Variants in CACNG6 observed in about 807,000 individuals in gnomAD.
CACNG6 encodes voltage-dependent calcium channel gamma-6 subunit.
A neutral mutation model predicts 23.9 loss-of-function variants in CACNG6; 21 were observed. The observed-to-expected ratio is 0.88, with a 90% CI of 0.62 to 1.26. The LOEUF (loss-of-function observed/expected upper bound fraction) is 1.26, where lower values mean the gene tolerates loss of function less well. CACNG6 is among the 50% of genes most tolerant of loss of function. CACNG6 has a pLI of 0.00. For missense variants in CACNG6, 340 were observed against 352.9 expected (o/e 0.96, Z 0.29); for synonymous variants, 182 against 168.9 (o/e 1.08, Z -0.60).
At chr19:53,998,799 C>T (rs1043451838) in intron 2 of CACNG6, among the ~76,000 whole-genome samples, 2 of 152,074 alleles carry the variant, frequency 1.3e-5, no homozygotes, top group East Asian at 1.9e-4. Flanking sequence ...GCGTGAGCCA[C>T]TGCACCTAGC....
At chr19:53,991,206 G>A (rs2145949007), upstream of CACNG6, among the ~76,000 whole-genome samples, 1 of 149,740 alleles carries the variant, frequency 6.7e-6, no homozygotes, top group South Asian at 2.1e-4. Context: ...GGGTACCCAG[G>A]CCTTCTTCCT....
intron 3 of CACNG6, among the ~76,000 whole-genome samples, chr19:54,009,132 T>C (rs1213141332): frequency 6.6e-6 from 1 of 151,412 alleles, no homozygotes; most frequent in East Asian, 1.9e-4. Context: ...CTACTAAAAA[T>C]ACAAAAATTG....
chr19:53,998,190 C>A, intron 1 of CACNG6, 49 bp from the exon 2 acceptor site: 1 of 1,536,732 alleles, frequency 6.5e-7, no homozygotes, highest in Non-Finnish European at 9.0e-7. Context: ...TGAGCTTACG[C>A]AAGGGACCTC....
chr19:53,996,980 T>C (rs1256835950), intron 1 of CACNG6, among the ~76,000 whole-genome samples: 1 of 151,206 alleles, frequency 6.6e-6, no homozygotes, highest in Non-Finnish European at 1.5e-5. Flanking sequence ...GGGATCCTCT[T>C]GCCTCAGCCT....
chr19:54,008,558 G>A (rs1004610705), intron 3 of CACNG6, among the ~76,000 whole-genome samples: 2 of 151,852 alleles, frequency 1.3e-5, no homozygotes, highest in African/African-American at 4.8e-5. Context: ...TTCCATTACC[G>A]CCTCTCTCCC....
intron 3 of CACNG6, among the ~76,000 whole-genome samples, chr19:54,002,267 G>GTTTTTTTTTTTTTTT (rs138464456): frequency 7.6e-6 from 1 of 131,940 alleles, no homozygotes; most frequent in African/African-American, 3.3e-5. Context: ...CTAATTTTCG[G>GTTTTTTTTTTTTTTT]TTTTTTTGTT....
chr19:54,009,539 C>A (rs1312325000), intron 3 of CACNG6, among the ~76,000 whole-genome samples: 1 of 151,920 alleles, frequency 6.6e-6, no homozygotes, highest in Admixed American at 6.6e-5. Flanking sequence ...TCGCTTGAAC[C>A]TGGGAGGCGG....
chr19:54,004,333 TTTTGTGTGTGTGTGTG>T lies in CACNG6; in HGVS notation c.544+4564_544+4579del, dbSNP rs1235520542. Among the ~76,000 whole-genome samples, 6 of 104,408 alleles carry T rather than the reference TTTTGTGTGTGTGTGTG, an allele frequency of 5.7e-5. No individual in the cohort carries two copies. The East Asian group carries it at 7.1e-4, about 12-fold the overall frequency. 68.5% of individuals were successfully genotyped at this position (104,408 alleles called of 152,430 possible). A position where few individuals can be genotyped will look rare whatever the true frequency, so the allele number is the denominator to read the frequency against. ...CCACCACGCCTGGTTAATTTTGTAT[TTTTGTGTGTGTGTGTG>T]TGTGTGTGTGTGTGTGTGTGTGTGT... On this transcript the variant is annotated intron_variant, in intron 3 of 3. Transcript: ENST00000252729.
Position 53,995,433 on chromosome 19 carries a change from A to G in CACNG6, c.331+2225A>G, listed in dbSNP as rs375788515. 7.2e-5 allele frequency among the ~76,000 whole-genome samples: 11 copies of G among 152,288 alleles called. No homozygotes were observed. The East Asian group carries it at 1.5e-3, about 21-fold the overall frequency. On this transcript the variant is annotated intron_variant, in intron 1 of 3. Coordinates refer to ENST00000252729, the MANE Select transcript of CACNG6 (RefSeq NM_145814.2). The stretch of plus-strand genomic sequence containing the variant: ...ATCCCTGGCTCCCTTGGCTATAAGT[A>G]TGGAATGTGGGGGTGACCCTTACCC...
chr19:54,009,010 C>T (rs915640940), intron 3 of CACNG6, among the ~76,000 whole-genome samples: 2 of 152,188 alleles, frequency 1.3e-5, no homozygotes, highest in Non-Finnish European at 1.5e-5. Flanking sequence ...AATTATAGGC[C>T]GGGTGCGGCA....
chr19:54,011,367 T>C (rs1600066872), intron 3 of CACNG6, among the ~76,000 whole-genome samples: 1 of 136,604 alleles, frequency 7.3e-6, no homozygotes, highest in Non-Finnish European at 1.5e-5. Context: ...GGAGGCGGAG[T>C]TTGCAATAAG....
chr19:53,993,091 GGCAGC>G lies in CACNG6; in HGVS notation c.217_221del (p.Ser73ArgfsTer44), dbSNP rs1429556772. On this transcript the variant is annotated frameshift_variant, in exon 1 of 4. Transcript: ENST00000252729. LOFTEE classifies it high-confidence loss of function. ...GGAGCTCAACACCTACAAGGCCAACGGCAGCGCCGTGTGCGAAGCGGCCCACCTGG... is the reference window on the plus strand; with the variant it reads ...GGAGCTCAACACCTACAAGGCCAACGGCCGTGTGCGAAGCGGCCCACCTGG... 5 of 1,545,482 alleles carry G rather than the reference GGCAGC, an allele frequency of 3.2e-6. No homozygotes were observed. The African/African-American group carries it at 6.9e-5, about 21-fold the overall frequency.
At chr19:53,999,570 G>A in intron 2 of CACNG6, 64 bp from the exon 3 acceptor site, 3 of 1,563,774 alleles carry the variant, frequency 1.9e-6, no homozygotes, top group Non-Finnish European at 2.6e-6. Context: ...GGGTTCCTAT[G>A]GGTGAATCCT....
At chr19:54,008,928 G>T (rs1248578143) in intron 3 of CACNG6, among the ~76,000 whole-genome samples, 1 of 152,214 alleles carries the variant, frequency 6.6e-6, no homozygotes, top group Admixed American at 6.5e-5. Flanking sequence ...TTGCCAGGCA[G>T]TGTGTAAAGA....
chr19:54,003,653 G>A (rs2069603786), intron 3 of CACNG6, among the ~76,000 whole-genome samples: 1 of 151,926 alleles, frequency 6.6e-6, no homozygotes. Flanking sequence ...GAGCCACCCT[G>A]CCTAGCCATC....
chr19:54,006,115 T>TAAATAAAG (rs2069641631), intron 3 of CACNG6, among the ~76,000 whole-genome samples: 1 of 150,682 alleles, frequency 6.6e-6, no homozygotes, highest in African/African-American at 2.4e-5. Context: ...AATAAATAAA[T>TAAATAAAG]AAATAAAATA....
Position 54,011,928 on chromosome 19 carries a change from G to C in CACNG6, c.545-23G>C, listed in dbSNP as rs112544975. 2,707 of 1,443,088 alleles carry C rather than the reference G, an allele frequency of 1.9e-3. 25 individuals are homozygous for C. The African/African-American group carries it at 0.019, about 10-fold the overall frequency. 89.4% of individuals were successfully genotyped at this position (1,443,088 alleles called of 1,614,324 possible). The stretch of plus-strand genomic sequence containing the variant: ...CAGCTGGGGTCGCGGGCGTCTGACT[G>C]CGAGCTGTCCTCTCTCCCGCAGGCC... On this transcript the variant is annotated intron_variant, in intron 3 of 3. Transcript: ENST00000252729.
chr19:54,002,370 G>A (rs750278592), intron 3 of CACNG6, among the ~76,000 whole-genome samples: 1 of 141,738 alleles, frequency 7.1e-6, no homozygotes, highest in Non-Finnish European at 1.5e-5. Context: ...CGCCCACCTC[G>A]GCCTCCCAAA....
rs1600067445 is a variant in CACNG6 at position 54,011,936 on chromosome 19, T to C, written c.545-15T>C. The C allele has an allele frequency of 3.4e-6, 5 of 1,468,144 alleles. No individual in the cohort carries two copies. The highest frequency in any genetic ancestry group is 2.6e-5 in the East Asian group (1 of 39,190). The allele number at this position is 1,468,144 out of a possible 1,614,324, so 90.9% of individuals were successfully genotyped here. A position where few individuals can be genotyped will look rare whatever the true frequency, so the allele number is the denominator to read the frequency against. On this transcript the variant is annotated splice_polypyrimidine_tract_variant and intron_variant, in intron 3 of 3. Coordinates refer to ENST00000252729, the MANE Select transcript of CACNG6 (RefSeq NM_145814.2). The stretch of plus-strand genomic sequence containing the variant: ...GTCGCGGGCGTCTGACTGCGAGCTG[T>C]CCTCTCTCCCGCAGGCCTGCTGCTC...
Sources: gnomAD v4.1 joint callset for allele counts (sites outside exome capture counted in the v4.1 genomes callset) on GRCh38, gnomAD v4.1.1 for gene constraint, MANE v1.5 for transcripts, NCBI Gene and HGNC (gene_info 2026-07-23, HGNC 2026-07-21) for gene names.